Variants in SERPINI2 observed in about 807,000 individuals in gnomAD.
SERPINI2 encodes the protein serpin family I member 2, also known as serpin I2.
SERPINI2 carries 48 observed loss-of-function variants against 47.3 expected under a neutral mutation model. That is an observed-to-expected ratio of 1.02 (90% confidence interval 0.81 to 1.29). SERPINI2 has a LOEUF of 1.29. SERPINI2 is among the 50% of genes most tolerant of loss of function. The probability of loss-of-function intolerance (pLI) is 0.00; values close to 1 mark genes in which losing one functional copy is unlikely to be tolerated. For missense variants in SERPINI2, 448 were observed against 456.9 expected, an observed-to-expected ratio of 0.98 and a Z score of 0.18; for synonymous variants, 135 against 149.3, an observed-to-expected ratio of 0.90 and a Z score of 0.70.
rs148943729 is a variant in SERPINI2, at chr3:167,454,153, C to T, written c.867-1120G>A. The stretch of plus-strand genomic sequence containing the variant: ...CTTGTTCATTCAGCAGGTAGGCCCA[C>T]ATCTGGAGCTAGAAATTAGGTGGGG... On this transcript the variant is annotated intron_variant, in intron 5 of 8. Transcript: ENST00000264677. 4.5e-3 allele frequency among the ~76,000 whole-genome samples: 687 copies of T among 152,326 alleles called. 8 individuals are homozygous for T. Among genetic ancestry groups the T allele is most frequent in the African/African-American group, 0.015 (644 of 41,584 alleles).
At chr3:167,459,350 A>C (rs1749916542) in intron 5 of SERPINI2, among the ~76,000 whole-genome samples, 1 of 152,196 alleles carries the variant, frequency 6.6e-6, no homozygotes, top group Non-Finnish European at 1.5e-5. Flanking sequence ...CTGGGACTAC[A>C]GGCGTGAGCC....
chr3:167,448,510 A>G (rs1180296351), intron 7 of SERPINI2, among the ~76,000 whole-genome samples: 1 of 151,874 alleles, frequency 6.6e-6, no homozygotes, highest in African/African-American at 2.4e-5. Flanking sequence ...TGGGCATAGG[A>G]GTTTTGTTTT....
intron 2 of SERPINI2, 61 bp downstream of exon 2, chr3:167,471,527 A>G (rs1750319303): frequency 2.1e-6 from 3 of 1,448,184 alleles, no homozygotes; most frequent in Non-Finnish European, 2.8e-6. Context: ...AACTTCTAAT[A>G]TTAAAAAATG....
At chr3:167,471,630 G>T (rs775441764) in exon 2 of SERPINI2, 2 of 1,613,610 alleles carry the variant, frequency 1.2e-6, no homozygotes, top group South Asian at 2.2e-5. Flanking sequence ...CTTATCTGCT[G>T]CTGTGCTTTT....
At chr3:167,467,464 T>G (rs1196709954) in intron 2 of SERPINI2, among the ~76,000 whole-genome samples, 179 bp from the exon 3 acceptor site, 2 of 152,190 alleles carry the variant, frequency 1.3e-5, no homozygotes, top group African/African-American at 2.4e-5. Flanking sequence ...AGAATATGCA[T>G]TTTGTAGAGA....
chr3:167,446,481 C>A, exon 8 of SERPINI2: 1 of 1,571,124 alleles, frequency 6.4e-7, no homozygotes, highest in Non-Finnish European at 8.7e-7. Context: ...GATGTGTATG[C>A]CTATAAAATA....
intron 5 of SERPINI2, among the ~76,000 whole-genome samples, chr3:167,464,797 C>T (rs926388301): frequency 4.6e-5 from 7 of 151,938 alleles, no homozygotes; most frequent in Non-Finnish European, 8.8e-5. Flanking sequence ...GAGCACTGTC[C>T]GTCAAAGTGA....
intron 5 of SERPINI2, among the ~76,000 whole-genome samples, chr3:167,463,829 T>C (rs1435377250): frequency 2.6e-5 from 4 of 151,672 alleles, no homozygotes; most frequent in African/African-American, 9.7e-5. Context: ...CCTAGAGTAG[T>C]AAGTGAAGGA....
chr3:167,470,579 T>TTTTTTTTTC (rs1750282022), intron 2 of SERPINI2, among the ~76,000 whole-genome samples: 89 of 119,862 alleles, frequency 7.4e-4, no homozygotes, highest in African/African-American at 2.6e-3. Flanking sequence ...TTTTTTTTTT[T>TTTTTTTTTC]GGAGAAGGAG....
At position 167,446,443 on chromosome 3, in the gene SERPINI2, G is replaced by A. The variant is rs376481858; in HGVS notation, c.1090C>T (p.Gln364Ter). Residue 364 changes from glutamine to a stop codon, truncating the protein, a stop_gained, in exon 8 of 9, where the codon CAA (glutamine) becomes TAA (stop). Transcript: ENST00000264677. LOFTEE classifies it high-confidence loss of function. ...AGAAATGGATGATTTGCTATAAATT[G>A]GCTTTGAGCCAGACTCATGATCACA... The A allele has an allele frequency of 1.7e-5, 28 of 1,610,266 alleles. No individual in the cohort carries two copies. The African/African-American group carries it at 3.2e-4, about 18-fold the overall frequency.
intron 2 of SERPINI2, chr3:167,469,113 C>G (rs985104012): frequency 2.6e-5 from 4 of 152,058 alleles, no homozygotes; most frequent in Non-Finnish European, 5.9e-5. Flanking sequence ...ACATTATCTG[C>G]CCTATAAATT....
chr3:167,453,490 A>C (rs1749698839), intron 5 of SERPINI2, among the ~76,000 whole-genome samples: 1 of 152,214 alleles, frequency 6.6e-6, no homozygotes, highest in African/African-American at 2.4e-5. Context: ...ATTAAGGAAG[A>C]GAGAAATATT....
intron 2 of SERPINI2, among the ~76,000 whole-genome samples, chr3:167,469,048 T>C (rs557524188): frequency 1.3e-5 from 2 of 152,174 alleles, no homozygotes; most frequent in Non-Finnish European, 2.9e-5. Context: ...ACTGTTGAAC[T>C]CAGAAGTCAA....
At chr3:167,448,785 G>A (rs552980655) in intron 7 of SERPINI2, among the ~76,000 whole-genome samples, 4 of 152,144 alleles carry the variant, frequency 2.6e-5, no homozygotes, top group African/African-American at 9.6e-5. Flanking sequence ...GCCTCCCAAA[G>A]TGCTGGGATT....
intron 7 of SERPINI2, 70 bp downstream of exon 7, chr3:167,449,246 G>A (rs983301329): frequency 5.9e-5 from 61 of 1,033,218 alleles, no homozygotes; most frequent in Non-Finnish European, 8.5e-5. Flanking sequence ...TACTTCAAAA[G>A]GGTCAGCACC....
intron 1 of SERPINI2, among the ~76,000 whole-genome samples, chr3:167,472,540 A>T (rs1252152278): frequency 2.0e-5 from 3 of 151,960 alleles, no homozygotes; most frequent in African/African-American, 7.2e-5. Context: ...TTATACCCCA[A>T]ACCTTAGTGT....
chr3:167,456,150 C>CTGTCTGTG (rs1553855250), intron 5 of SERPINI2, among the ~76,000 whole-genome samples: 6 of 144,406 alleles, frequency 4.2e-5, no homozygotes, highest in African/African-American at 1.5e-4. Context: ...TCAATTACCT[C>CTGTCTGTG]TGTGTGTGTG....
At chr3:167,456,093 C>T (rs1165601032) in intron 5 of SERPINI2, among the ~76,000 whole-genome samples, 1 of 151,498 alleles carries the variant, frequency 6.6e-6, no homozygotes, top group African/African-American at 2.4e-5. Context: ...ACAATGGTGG[C>T]CCTAGATGGT....
chr3:167,472,024 G>A, intron 1 of SERPINI2, 180 bp from the exon 2 acceptor site: 1 of 513,806 alleles, frequency 1.9e-6, no homozygotes, highest in Non-Finnish European at 3.5e-6. Flanking sequence ...ATGTGTTAAT[G>A]GTATTTCTTA....
Sources: gnomAD v4.1 joint callset for allele counts (sites outside exome capture counted in the v4.1 genomes callset) on GRCh38, gnomAD v4.1.1 for gene constraint, MANE v1.5 for transcripts, NCBI Gene and HGNC (gene_info 2026-07-23, HGNC 2026-07-21) for gene names.